ENAH: variants seen among roughly 807,000 people sequenced by gnomAD.
The protein encoded by ENAH is ENAH actin regulator, also known as protein enabled homolog.
A neutral mutation model predicts 78.7 loss-of-function variants in ENAH; 23 were observed. The ratio of observed to expected loss-of-function variants is 0.29; its 90% CI spans 0.21 to 0.41. The LOEUF (loss-of-function observed/expected upper bound fraction) is 0.41. ENAH is among the 10% of genes least tolerant of loss of function. ENAH has a pLI of 1.00. For missense variants in ENAH, 544 were observed against 691.0 expected, an observed-to-expected ratio of 0.79 and a Z score of 2.39; for synonymous variants, 226 against 241.0, an observed-to-expected ratio of 0.94 and a Z score of 0.58.
At chr1:225,554,161 T>TATTTAGTAATTACTAAATATACA (rs1296360994) in intron 3 of ENAH, among the ~76,000 whole-genome samples, 1 of 152,156 alleles carries the variant, frequency 6.6e-6, no homozygotes, top group African/African-American at 2.4e-5. Flanking sequence ...AAATATACAA[T>TATTTAGTAATTACTAAATATACA]ATAGGCAAGA....
chr1:225,506,414 G>A (rs191268613), intron 11 of ENAH, among the ~76,000 whole-genome samples: 1 of 152,006 alleles, frequency 6.6e-6, no homozygotes, highest in Non-Finnish European at 1.5e-5. Context: ...TCTCAAATTC[G>A]TGACCTCAAG....
At chr1:225,649,320 A>G (rs2148510194) in intron 1 of ENAH, among the ~76,000 whole-genome samples, 1 of 152,240 alleles carries the variant, frequency 6.6e-6, no homozygotes, top group East Asian at 1.9e-4. Context: ...AAGAATGTAA[A>G]TACAAAATCT....
chr1:225,504,891 C>A, intron 11 of ENAH: 1 of 725,698 alleles, frequency 1.4e-6, no homozygotes, highest in East Asian at 2.8e-5. Flanking sequence ...AAAAAAAAAT[C>A]TCCCTTGTGG....
chr1:225,568,833 T>A (rs1055422667), intron 1 of ENAH, among the ~76,000 whole-genome samples: 2 of 152,206 alleles, frequency 1.3e-5, no homozygotes, highest in South Asian at 2.1e-4. Context: ...CACTGAGTAA[T>A]AAAATTGCTT....
intron 1 of ENAH, among the ~76,000 whole-genome samples, chr1:225,626,319 G>A (rs967588968): frequency 1.3e-5 from 2 of 152,186 alleles, no homozygotes; most frequent in Admixed American, 1.3e-4. Flanking sequence ...ACTGGGTATC[G>A]TTCTACTGAG....
At chr1:225,553,164 G>A (rs907738269) in intron 3 of ENAH, among the ~76,000 whole-genome samples, 6 of 152,164 alleles carry the variant, frequency 3.9e-5, no homozygotes, top group South Asian at 2.1e-4. Flanking sequence ...AACCCGGGAG[G>A]CAGAGGTTGC....
intron 4 of ENAH, among the ~76,000 whole-genome samples, chr1:225,529,281 C>T (rs1334608055): frequency 6.6e-6 from 1 of 152,162 alleles, no homozygotes; most frequent in African/African-American, 2.4e-5. Flanking sequence ...CCAGCCTCCA[C>T]GGCCTCCTTG....
In ENAH at chr1:225,497,565, G is replaced by GA. The variant is rs1168838564; in HGVS notation, c.*209dup. 4.8e-6 allele frequency: 2 copies of GA among 416,958 alleles called. No homozygotes were observed. The highest frequency in any genetic ancestry group is 8.7e-6 in the Non-Finnish European group (2 of 230,782). 25.8% of individuals were successfully genotyped at this position (416,958 alleles called of 1,614,324 possible). ...CTCTTCCATTCTGTTGTAAAGGCCA[G>GA]AAAAAAGCAGCAAACGGAGAGGGAA... On this transcript the variant is annotated 3_prime_UTR_variant, in exon 14 of 14. Coordinates refer to ENST00000366843, the MANE Select transcript of ENAH (RefSeq NM_018212.6).
intron 2 of ENAH, among the ~76,000 whole-genome samples, chr1:225,555,337 T>G (rs1043606289): frequency 6.6e-6 from 1 of 152,062 alleles, no homozygotes; most frequent in African/African-American, 2.4e-5. Flanking sequence ...TCCCAGCACT[T>G]TGGGAGGGCT....
At chr1:225,625,044 G>C (rs1001152272) in intron 1 of ENAH, among the ~76,000 whole-genome samples, 1 of 147,168 alleles carries the variant, frequency 6.8e-6, no homozygotes, top group Non-Finnish European at 1.5e-5. Flanking sequence ...CGGAATTCCA[G>C]TGTCCCTATT....
At chr1:225,521,341 G>T (rs897175063) in intron 4 of ENAH, among the ~76,000 whole-genome samples, 3 of 152,006 alleles carry the variant, frequency 2.0e-5, no homozygotes, top group Admixed American at 2.0e-4. Context: ...AGGAAAAGTT[G>T]TGTCAATTAA....
intron 5 of ENAH, 96 bp downstream of exon 5, chr1:225,519,102 A>G: frequency 6.6e-7 from 1 of 1,513,288 alleles, no homozygotes; most frequent in Non-Finnish European, 8.9e-7. Context: ...CTTAATCCCA[A>G]ACATCTCAAA....
At chr1:225,622,823 G>A (rs1447930524) in intron 1 of ENAH, among the ~76,000 whole-genome samples, 1 of 152,160 alleles carries the variant, frequency 6.6e-6, no homozygotes, top group Non-Finnish European at 1.5e-5. Flanking sequence ...CCTTAAGCAT[G>A]TAAGGGCAGC....
intron 7 of ENAH, 34 bp from the exon 8 acceptor site, chr1:225,513,050 A>G: frequency 2.6e-6 from 4 of 1,534,220 alleles, no homozygotes; most frequent in South Asian, 2.6e-5. Context: ...ATCAACTCCT[A>G]TGTTAGACAA....
chr1:225,519,307 T>C lies in ENAH; in HGVS notation c.693A>G (p.Glu231=). The change falls in exon 5 of 14, where the codon GAA becomes GAG. Residue 231 remains glutamate, a synonymous_variant. Coordinates refer to ENST00000366843, the MANE Select transcript of ENAH (RefSeq NM_018212.6). ...RLDRERQERQ[E]RERLERLERE... ...GTTCCAGTCTCTCCAGCCTCTCTCGTTCTTGTCTTTCTTGCCTCTCCCGAT... is the reference window on the plus strand; with the variant it reads ...GTTCCAGTCTCTCCAGCCTCTCTCGCTCTTGTCTTTCTTGCCTCTCCCGAT... 1 of 1,612,904 alleles carries C rather than the reference T, an allele frequency of 6.2e-7. No individual in the cohort carries two copies. The highest frequency in any genetic ancestry group is 8.5e-7 in the Non-Finnish European group (1 of 1,179,678).
At chr1:225,536,638 T>G (rs1178328265) in intron 3 of ENAH, among the ~76,000 whole-genome samples, 1 of 152,008 alleles carries the variant, frequency 6.6e-6, no homozygotes, top group African/African-American at 2.4e-5. Flanking sequence ...TAACTAAAAG[T>G]TTTAGAAAAA....
In ENAH at chr1:225,497,734, T is replaced by C. The variant is rs1202624384; in HGVS notation, c.*41A>G. 21 of 1,596,066 alleles carry C rather than the reference T, an allele frequency of 1.3e-5. No individual in the cohort carries two copies. The highest frequency in any genetic ancestry group is 1.8e-5 in the Non-Finnish European group (21 of 1,166,634). On this transcript the variant is annotated 3_prime_UTR_variant, in exon 14 of 14. Coordinates refer to ENST00000366843, the MANE Select transcript of ENAH (RefSeq NM_018212.6). Reference sequence around the variant, plus strand: ...AACAGTTGTTGTTTGTAGGATATTTTTCCTCCAGATTAAAGTCCTATCTCT... The same window carrying C: ...AACAGTTGTTGTTTGTAGGATATTTCTCCTCCAGATTAAAGTCCTATCTCT...
intron 1 of ENAH, among the ~76,000 whole-genome samples, chr1:225,620,209 C>A (rs1656550853): frequency 6.6e-6 from 1 of 151,830 alleles, no homozygotes; most frequent in African/African-American, 2.4e-5. Flanking sequence ...AATGTGACCA[C>A]CAGCGGTTTC....
At chr1:225,557,237 G>C (rs768823530) in intron 2 of ENAH, among the ~76,000 whole-genome samples, 1 of 152,046 alleles carries the variant, frequency 6.6e-6, no homozygotes, top group Non-Finnish European at 1.5e-5. Context: ...ATCTTTATAG[G>C]GGTCTTGAGG....
Sources: allele counts gnomAD v4.1 joint callset (sites outside exome capture counted in the v4.1 genomes callset), GRCh38; gene constraint gnomAD v4.1.1; transcripts MANE v1.5; gene names NCBI Gene and HGNC (gene_info 2026-07-23, HGNC 2026-07-21).